The following NMNAT1 variants were observed in gnomAD, a reference collection of about 807,000 sequenced individuals.
NMNAT1 encodes nicotinamide nucleotide adenylyltransferase 1.
NMNAT1 carries 11 observed loss-of-function variants against 16.7 expected under a neutral mutation model. That is an observed-to-expected ratio of 0.66 (90% confidence interval 0.41 to 1.09). The LOEUF (loss-of-function observed/expected upper bound fraction) is 1.09. Among genes scored for constraint, NMNAT1 ranks in the 50% least tolerant of loss-of-function variants. The probability of loss-of-function intolerance (pLI) is 0.00; values close to 1 mark genes in which losing one functional copy is unlikely to be tolerated. For synonymous variants in NMNAT1, 110 were observed against 119.8 expected (o/e 0.92, Z 0.53); for missense variants, 280 against 332.3 (o/e 0.84, Z 1.22).
chr1:9,964,259 G>A (rs1352105949), intron 1 of NMNAT1, among the ~76,000 whole-genome samples: 1 of 151,426 alleles, frequency 6.6e-6, no homozygotes, highest in Non-Finnish European at 1.5e-5. Context: ...AGAAGTGTAG[G>A]TGGGAGGATC....
In NMNAT1 at chr1:9,950,252, G is replaced by A. The variant is rs200497604; in HGVS notation, c.-57+6737G>A. Among the ~76,000 whole-genome samples the A allele has an allele frequency of 2.3e-4, 35 of 152,154 alleles. No homozygotes were observed. The East Asian group carries it at 3.7e-3, about 16-fold the overall frequency. On this transcript the variant is annotated intron_variant, in intron 1 of 4. Transcript: ENST00000377205. Reference sequence around the variant, plus strand: ...ATTACAGGCACCTGCAACCATGCCCGGCTAATTTTTGTATTTTTAGTAGTG... The same window carrying A: ...ATTACAGGCACCTGCAACCATGCCCAGCTAATTTTTGTATTTTTAGTAGTG...
chr1:9,973,855 C>G (rs1328450035), intron 2 of NMNAT1, among the ~76,000 whole-genome samples: 2 of 149,646 alleles, frequency 1.3e-5, no homozygotes, highest in South Asian at 2.2e-4. Flanking sequence ...GAAACCTTGA[C>G]TCTACAGAGT....
chr1:9,975,749 G>GGGACC lies in NMNAT1; in HGVS notation c.273_274insGGACC (p.Trp92GlyfsTer7). The GGGACC allele has an allele frequency of 6.2e-7, 1 of 1,613,724 alleles. No individual in the cohort carries two copies. On this transcript the variant is annotated frameshift_variant, in exon 3 of 5. Coordinates refer to ENST00000377205, the MANE Select transcript of NMNAT1 (RefSeq NM_022787.4). LOFTEE classifies it high-confidence loss of function. ...ATACATGGGAAAGTCTTCAGAAGGA[G>GGGACC]TGGAAAGAGACTCTGAAGGTGCTAA...
intron 2 of NMNAT1, among the ~76,000 whole-genome samples, chr1:9,975,294 A>G (rs1279491536): frequency 6.6e-6 from 1 of 152,100 alleles, no homozygotes; most frequent in Non-Finnish European, 1.5e-5. Flanking sequence ...TGAGGTCAGG[A>G]GTTGGAGACC....
the NMNAT1 span, among the ~76,000 whole-genome samples, chr1:9,992,979 A>G: frequency 6.6e-6 from 1 of 152,168 alleles, no homozygotes; most frequent in African/African-American, 2.4e-5. Flanking sequence ...AAGCCAAAGG[A>G]GCTAACCAGG....
Position 9,984,375 on chromosome 1 carries a change from C to CA in NMNAT1, c.*1676dup, listed in dbSNP as rs1304157569. On this transcript the variant is annotated 3_prime_UTR_variant, in exon 5 of 5. Coordinates refer to ENST00000377205, the MANE Select transcript of NMNAT1 (RefSeq NM_022787.4). ...TCCTATTGTTGCACTATTTATGGAG[C>CA]AACAACTTTGTACAAAGAACAAGCT... The CA allele has an allele frequency of 6.6e-6, 1 of 152,086 alleles. No homozygotes were observed. The highest frequency in any genetic ancestry group is 1.5e-5 in the Non-Finnish European group (1 of 68,032). 9.4% of individuals were successfully genotyped at this position (152,086 alleles called of 1,614,324 possible).
chr1:9,990,368 A>G (rs947934720), downstream of NMNAT1, among the ~76,000 whole-genome samples: 7 of 152,114 alleles, frequency 4.6e-5, no homozygotes, highest in Non-Finnish European at 8.8e-5. Context: ...CAGGCTTCCT[A>G]GTTCATGTTC....
intron 1 of NMNAT1, among the ~76,000 whole-genome samples, chr1:9,966,399 G>A (rs1641543763): frequency 6.6e-6 from 1 of 152,062 alleles, no homozygotes; most frequent in African/African-American, 2.4e-5. Flanking sequence ...GATCACCTGA[G>A]GTCAGGAGTT....
chr1:9,975,486 A>G, intron 2 of NMNAT1, 106 bp from the exon 3 acceptor site: 1 of 916,824 alleles, frequency 1.1e-6, no homozygotes, highest in African/African-American at 1.7e-5. Context: ...ACAGAGCAAG[A>G]CTCTGTCTCA....
At position 9,983,808 on chromosome 1, in the gene NMNAT1, T is replaced by C. The variant is rs1164790908; in HGVS notation, c.*1107T>C. 1 of 152,156 alleles carries C rather than the reference T, an allele frequency of 6.6e-6. No homozygotes were observed. The highest frequency in any genetic ancestry group is 1.5e-5 in the Non-Finnish European group (1 of 68,038). The allele number at this position is 152,156 out of a possible 1,614,324, so 9.4% of individuals were successfully genotyped here. A position where few individuals can be genotyped will look rare whatever the true frequency, so the allele number is the denominator to read the frequency against. On this transcript the variant is annotated 3_prime_UTR_variant, in exon 5 of 5. Coordinates refer to ENST00000377205, the MANE Select transcript of NMNAT1 (RefSeq NM_022787.4). ...TTGAAGGAGTCCTGAAAAGTAATGA[T>C]AGAGCAAGATGAAGCTATCAGAACT...
At chr1:9,962,473 C>T (rs1641438559) in intron 1 of NMNAT1, among the ~76,000 whole-genome samples, 1 of 145,204 alleles carries the variant, frequency 6.9e-6, no homozygotes, top group South Asian at 2.3e-4. Context: ...CAGAGCGAGA[C>T]TCCGTCTGAA....
intron 2 of NMNAT1, among the ~76,000 whole-genome samples, chr1:9,974,390 ATT>A (rs70998335): frequency 7.2e-6 from 1 of 139,466 alleles, no homozygotes. Flanking sequence ...CATCTGGCTA[ATT>A]TTTTTTTTTT....
rs1036665275 is a variant in NMNAT1, at chr1:9,982,741, A to T, written c.*40A>T. Reference sequence around the variant, plus strand: ...GATATTTCAGACTTCCCATTTGGGGATCTGAAACAATCTGGGAGTTAATAA... The same window carrying T: ...GATATTTCAGACTTCCCATTTGGGGTTCTGAAACAATCTGGGAGTTAATAA... On this transcript the variant is annotated 3_prime_UTR_variant, in exon 5 of 5. Transcript: ENST00000377205. 5 of 1,528,136 alleles carry T rather than the reference A, an allele frequency of 3.3e-6. No homozygotes were observed. Among genetic ancestry groups the T allele is most frequent in the African/African-American group, 1.4e-5 (1 of 72,428 alleles). The allele number at this position is 1,528,136 out of a possible 1,614,324, so 94.7% of individuals were successfully genotyped here.
In NMNAT1 at chr1:9,972,132, T is replaced by A. The variant is rs761948762; in HGVS notation, c.59T>A (p.Ile20Asn). 11 of 1,613,204 alleles carry A rather than the reference T, an allele frequency of 6.8e-6. No individual in the cohort carries two copies. The highest frequency in any genetic ancestry group is 9.3e-6 in the Non-Finnish European group (11 of 1,179,278). Residue 20 changes from isoleucine (I) to asparagine (N), a missense_variant, in exon 2 of 5, where the codon ATC becomes AAC. Ile to Asn is a moderately radical substitution (Grantham distance 149, BLOSUM62 -3). Coordinates refer to ENST00000377205, the MANE Select transcript of NMNAT1 (RefSeq NM_022787.4). ...CTTGCTTGTGGTTCATTCAATCCCA[T>A]CACCAACATGCACCTCAGGTTGTTT... The part of the protein sequence containing the change: ...VLLACGSFNP[I>N]TNMHLRLFEL...
At chr1:9,976,048 A>G (rs1445580860) in intron 3 of NMNAT1, among the ~76,000 whole-genome samples, 1 of 152,110 alleles carries the variant, frequency 6.6e-6, no homozygotes, top group African/African-American at 2.4e-5. Flanking sequence ...GCACTTTGGG[A>G]GGCTGAGGCG....
In NMNAT1 at chr1:9,982,895, CAA is replaced by C. The variant is rs1264924871; in HGVS notation, c.*195_*196del. On this transcript the variant is annotated 3_prime_UTR_variant, in exon 5 of 5. Coordinates refer to ENST00000377205, the MANE Select transcript of NMNAT1 (RefSeq NM_022787.4). ...GGCTGAGGCAGGTGGATCACGGGGT[CAA>C]GAGATCGAGACCATCCTGGCCAATA... is the stretch of plus-strand genomic sequence containing the variant. 1.4e-5 allele frequency: 7 copies of C among 511,970 alleles called. No individual in the cohort carries two copies. The highest frequency in any genetic ancestry group is 2.4e-5 in the Non-Finnish European group (7 of 289,182). 31.7% of individuals were successfully genotyped at this position (511,970 alleles called of 1,614,324 possible).
At chr1:9,986,126 G>T (rs533666613), downstream of NMNAT1, among the ~76,000 whole-genome samples, 1 of 152,144 alleles carries the variant, frequency 6.6e-6, no homozygotes, top group African/African-American at 2.4e-5. Context: ...ATGACTTGCC[G>T]TGGACAGTAT....
chr1:9,989,613 G>A (rs924223975), downstream of NMNAT1, among the ~76,000 whole-genome samples: 2 of 152,104 alleles, frequency 1.3e-5, no homozygotes, highest in African/African-American at 2.4e-5. Flanking sequence ...GGACTTCAGG[G>A]GAAGATTACC....
chr1:9,990,357 C>T (rs1417850385), downstream of NMNAT1, among the ~76,000 whole-genome samples: 3 of 152,144 alleles, frequency 2.0e-5, no homozygotes, highest in African/African-American at 7.2e-5. Flanking sequence ...TCACCAGTAG[C>T]CAGGCTTCCT....
Sources: allele counts gnomAD v4.1 joint callset (sites outside exome capture counted in the v4.1 genomes callset), GRCh38; gene constraint gnomAD v4.1.1; transcripts MANE v1.5; gene names NCBI Gene and HGNC (gene_info 2026-07-23, HGNC 2026-07-21).